AFF1: variants seen among roughly 807,000 people sequenced by gnomAD.
AFF1 encodes the protein AF4/FMR2 family member 1.
Under a neutral mutation model 121.7 loss-of-function variants are expected in AFF1, and 48 were observed. The ratio of observed to expected loss-of-function variants is 0.39; its 90% CI spans 0.31 to 0.50. AFF1 has a LOEUF of 0.50. Ranked by LOEUF, AFF1 falls within the 20% of genes least tolerant of loss-of-function variation. The probability of loss-of-function intolerance (pLI) is 0.76; values close to 1 mark genes in which losing one functional copy is unlikely to be tolerated. For synonymous variants in AFF1, 613 were observed against 563.0 expected (o/e 1.09, Z -1.26); for missense variants, 1,523 against 1,511.7 (o/e 1.01, Z -0.12).
At chr4:87,023,984 A>G (rs1415168328) in intron 2 of AFF1, among the ~76,000 whole-genome samples, 1 of 152,200 alleles carries the variant, frequency 6.6e-6, no homozygotes, top group Non-Finnish European at 1.5e-5. Flanking sequence ...GATTATGTAT[A>G]ATTTTGATCT....
At chr4:87,107,157 G>A (rs1234698485) in intron 10 of AFF1, among the ~76,000 whole-genome samples, 1 of 152,178 alleles carries the variant, frequency 6.6e-6, no homozygotes, top group Non-Finnish European at 1.5e-5. Flanking sequence ...GGTATCGTGT[G>A]TGTTTTAAAG....
At chr4:86,985,555 A>G (rs1285496385) in intron 2 of AFF1, among the ~76,000 whole-genome samples, 7 of 150,928 alleles carry the variant, frequency 4.6e-5, no homozygotes, top group Non-Finnish European at 7.4e-5. Context: ...AGGTGCCTGT[A>G]ATCTCAGCTC....
chr4:87,083,451 A>C (rs1723370468), intron 4 of AFF1, among the ~76,000 whole-genome samples: 1 of 152,204 alleles, frequency 6.6e-6, no homozygotes, highest in Non-Finnish European at 1.5e-5. Context: ...CTAGCATATA[A>C]AAATAATGAA....
At chr4:87,014,725 G>A (rs1311731908) in intron 2 of AFF1, among the ~76,000 whole-genome samples, 2 of 152,178 alleles carry the variant, frequency 1.3e-5, no homozygotes, top group Non-Finnish European at 2.9e-5. Context: ...AGATTATCAC[G>A]TGACTTTCAT....
intron 2 of AFF1, among the ~76,000 whole-genome samples, chr4:87,037,582 A>C (rs936249894): frequency 6.6e-6 from 1 of 152,006 alleles, no homozygotes; most frequent in Admixed American, 6.6e-5. Flanking sequence ...CAAAGTGCTG[A>C]GATTACAGGC....
chr4:87,001,484 G>A (rs1725724136), intron 2 of AFF1, among the ~76,000 whole-genome samples: 1 of 152,180 alleles, frequency 6.6e-6, no homozygotes, highest in African/African-American at 2.4e-5. Flanking sequence ...CCAAGGTGTC[G>A]GGATTACAGG....
chr4:87,081,520 C>T (rs1283426780), intron 4 of AFF1, among the ~76,000 whole-genome samples: 1 of 152,110 alleles, frequency 6.6e-6, no homozygotes, highest in Non-Finnish European at 1.5e-5. Context: ...CATGCAAACA[C>T]CTATGTTTAT....
intron 4 of AFF1, among the ~76,000 whole-genome samples, chr4:87,059,479 G>A (rs540894243): frequency 3.9e-5 from 6 of 152,140 alleles, no homozygotes; most frequent in South Asian, 2.1e-4. Flanking sequence ...GATTTTTACC[G>A]TCTTTCTTGA....
intron 4 of AFF1, among the ~76,000 whole-genome samples, chr4:87,065,326 G>GTTTC (rs1391343550): frequency 6.6e-6 from 1 of 151,992 alleles, no homozygotes; most frequent in Non-Finnish European, 1.5e-5. Context: ...AGAACAGCAC[G>GTTTC]GGAAAGACCT....
intron 2 of AFF1, chr4:87,036,694 T>C (rs886083394): frequency 2.4e-5 from 9 of 382,828 alleles, no homozygotes; most frequent in Non-Finnish European, 2.6e-5. Context: ...CAAAATAGAC[T>C]TATGAGATCT....
At chr4:87,031,500 C>A (rs1729085292) in intron 2 of AFF1, among the ~76,000 whole-genome samples, 1 of 150,480 alleles carries the variant, frequency 6.6e-6, no homozygotes, top group South Asian at 2.1e-4. Context: ...ATTGTGGAAT[C>A]CCTCACCTTT....
chr4:86,948,592 T>G (rs998047145), intron 2 of AFF1, 21 bp downstream of exon 2: 1 of 1,530,942 alleles, frequency 6.5e-7, no homozygotes, highest in South Asian at 1.2e-5. Context: ...AATCTATGAT[T>G]CAAAGACATG....
chr4:87,020,791 T>A (rs1258222396), intron 2 of AFF1: 9 of 985,194 alleles, frequency 9.1e-6, no homozygotes, highest in Non-Finnish European at 9.6e-6. Flanking sequence ...TAATGCCATG[T>A]TTTTGATGCA....
chr4:86,962,145 CTT>C (rs3035474), intron 2 of AFF1, among the ~76,000 whole-genome samples: 83,018 of 122,676 alleles, frequency 0.68, 29,051 homozygotes, highest in East Asian at 0.83. Flanking sequence ...GTTATTGTTT[CTT>C]TTTTTTTTTT....
chr4:87,011,332 G>A (rs958516422), intron 2 of AFF1, among the ~76,000 whole-genome samples: 1 of 152,164 alleles, frequency 6.6e-6, no homozygotes, highest in Non-Finnish European at 1.5e-5. Context: ...AATTAATGAA[G>A]CTTTGAAAAA....
intron 4 of AFF1, among the ~76,000 whole-genome samples, chr4:87,078,097 G>A (rs1005673671): frequency 1.3e-4 from 20 of 152,194 alleles, no homozygotes; most frequent in African/African-American, 4.8e-4. Flanking sequence ...GGATTTGAGT[G>A]CCTATTTCCC....
chr4:87,125,660 G>A (rs563262104), intron 13 of AFF1, among the ~76,000 whole-genome samples: 1 of 152,280 alleles, frequency 6.6e-6, no homozygotes, highest in African/African-American at 2.4e-5. Flanking sequence ...AATATAACAA[G>A]CAGCTATTAT....
At chr4:87,112,638 A>G (rs1009374969) in intron 11 of AFF1, among the ~76,000 whole-genome samples, 1 of 152,132 alleles carries the variant, frequency 6.6e-6, no homozygotes, top group African/African-American at 2.4e-5. Flanking sequence ...TGTTTTATGG[A>G]GTTGAATTAT....
chr4:87,083,351 G>A (rs1282594840), intron 4 of AFF1, among the ~76,000 whole-genome samples: 1 of 152,148 alleles, frequency 6.6e-6, no homozygotes, highest in Non-Finnish European at 1.5e-5. Flanking sequence ...AACTTTGTGT[G>A]CGTCTGTGTA....
Sources: allele counts gnomAD v4.1 joint callset (sites outside exome capture counted in the v4.1 genomes callset), GRCh38; gene constraint gnomAD v4.1.1; transcripts MANE v1.5; gene names NCBI Gene and HGNC (gene_info 2026-07-23, HGNC 2026-07-21).